Variants in GREM1 observed in about 807,000 individuals in gnomAD.
GREM1 encodes the protein gremlin-1.
Under a neutral mutation model 13.1 loss-of-function variants are expected in GREM1, and 6 were observed. The ratio of observed to expected loss-of-function variants is 0.46; its 90% CI spans 0.25 to 0.91. The LOEUF (loss-of-function observed/expected upper bound fraction) is 0.91, where lower values mean the gene tolerates loss of function less well. Among genes scored for constraint, GREM1 ranks in the 40% least tolerant of loss-of-function variants. The pLI is 0.18. For missense variants in GREM1, 185 were observed against 233.9 expected (o/e 0.79, Z 1.36); for synonymous variants, 98 against 93.7 (o/e 1.05, Z -0.27).
Position 32,743,022 on chromosome 15 carries a change from C to T in GREM1, c.*11777C>T, listed in dbSNP as rs2055775194. The T allele has an allele frequency of 6.6e-6, 1 of 152,112 alleles. No homozygotes were observed. The allele number at this position is 152,112 out of a possible 1,614,324, so 9.4% of individuals were successfully genotyped here. A position where few individuals can be genotyped will look rare whatever the true frequency, so the allele number is the denominator to read the frequency against. On this transcript the variant is annotated 3_prime_UTR_variant, in exon 2 of 2. Transcript: ENST00000651154. ...AACAAAAATAGACAAATGGGACTAC[C>T]TCAAATTAAAATGTTTCTGCACAGC...
intron 1 of GREM1, among the ~76,000 whole-genome samples, chr15:32,721,515 G>T (rs960340407): frequency 6.6e-6 from 1 of 152,100 alleles, no homozygotes; most frequent in Non-Finnish European, 1.5e-5. Flanking sequence ...AAGCACTTTC[G>T]GAGACTGAGG....
At position 32,731,729 on chromosome 15, in the gene GREM1, A is replaced by G. The variant is rs190144321; in HGVS notation, c.*484A>G. 243 of 245,672 alleles carry G rather than the reference A, an allele frequency of 9.9e-4. 4 individuals are homozygous for G. In the South Asian group the frequency reaches 0.019, roughly 20 times the overall value. 15.2% of individuals were successfully genotyped at this position (245,672 alleles called of 1,614,324 possible). On this transcript the variant is annotated 3_prime_UTR_variant, in exon 2 of 2. Transcript: ENST00000651154. ...TCCTCCTTTCCTCCTCCTCCTCACA[A>G]TCCATCTCTTCTTAAGTTGATAGTG...
rs28433691 is a variant in GREM1, at chr15:32,729,189, A to G, written c.-1-1501A>G. ...CAGGCGCCCGCCACTACGCCCGGCT[A>G]ATTTTTTTGTATTTTTAGTAGAGAT... On this transcript the variant is annotated intron_variant, in intron 1 of 1. Transcript: ENST00000651154. 0.11 allele frequency among the ~76,000 whole-genome samples: 12,348 copies of G among 111,468 alleles called. 516 individuals are homozygous for G. Among genetic ancestry groups the G allele is most frequent in the Non-Finnish European group, 0.15 (6,770 of 44,818 alleles). The allele number at this position is 111,468 out of a possible 152,430, so 73.1% of individuals were successfully genotyped here.
rs912256870 is a variant in GREM1, at chr15:32,742,673, A to G, written c.*11428A>G. 1.3e-5 allele frequency: 2 copies of G among 152,228 alleles called. No homozygotes were observed. Among genetic ancestry groups the G allele is most frequent in the African/African-American group, 4.8e-5 (2 of 41,448 alleles). 9.4% of individuals were successfully genotyped at this position (152,228 alleles called of 1,614,324 possible). A position where few individuals can be genotyped will look rare whatever the true frequency, so the allele number is the denominator to read the frequency against. On this transcript the variant is annotated 3_prime_UTR_variant, in exon 2 of 2. Coordinates refer to ENST00000651154, the MANE Select transcript of GREM1 (RefSeq NM_013372.7). ...AACAGTATGTTACCAGCATAAAGAC[A>G]AACACACAGACCAATAGAACAGAAT...
chr15:32,723,740 A>G (rs1023709209), intron 1 of GREM1, among the ~76,000 whole-genome samples: 4 of 152,194 alleles, frequency 2.6e-5, no homozygotes, highest in Non-Finnish European at 4.4e-5. Flanking sequence ...ACAGTTGACT[A>G]ATTTTGAATT....
rs2055763533 is a variant in GREM1, at chr15:32,741,775, T to G, written c.*10530T>G. ...GGTCTTAAAGAAAAACATTTCAGTT[T>G]TCCATTATTCGGTATAATGTTAGTT... On this transcript the variant is annotated 3_prime_UTR_variant, in exon 2 of 2. Coordinates refer to ENST00000651154, the MANE Select transcript of GREM1 (RefSeq NM_013372.7). 1.3e-5 allele frequency: 2 copies of G among 152,230 alleles called. No individual in the cohort carries two copies. The highest frequency in any genetic ancestry group is 2.1e-4 in the South Asian group (1 of 4,832). 9.4% of individuals were successfully genotyped at this position (152,230 alleles called of 1,614,324 possible).
In GREM1 at chr15:32,734,921, T is replaced by G. The variant is rs1345642404; in HGVS notation, c.*3676T>G. 6.1e-6 allele frequency: 1 copy of G among 162,958 alleles called. No homozygotes were observed. Among genetic ancestry groups the G allele is most frequent in the African/African-American group, 2.4e-5 (1 of 41,744 alleles). 10.1% of individuals were successfully genotyped at this position (162,958 alleles called of 1,614,324 possible). A position where few individuals can be genotyped will look rare whatever the true frequency, so the allele number is the denominator to read the frequency against. Reference sequence around the variant, plus strand: ...AGAGCACAACTAGAAAGAAGAACTATAGAGTGTTATAAGGGAGGCCCTGAG... The same window carrying G: ...AGAGCACAACTAGAAAGAAGAACTAGAGAGTGTTATAAGGGAGGCCCTGAG... On this transcript the variant is annotated 3_prime_UTR_variant, in exon 2 of 2. Transcript: ENST00000651154.
Position 32,733,835 on chromosome 15 carries a change from G to T in GREM1, c.*2590G>T. 4.2e-6 allele frequency: 1 copy of T among 239,370 alleles called. No homozygotes were observed. Among genetic ancestry groups the T allele is most frequent in the Non-Finnish European group, 8.9e-6 (1 of 112,796 alleles). The allele number at this position is 239,370 out of a possible 1,614,324, so 14.8% of individuals were successfully genotyped here. On this transcript the variant is annotated 3_prime_UTR_variant, in exon 2 of 2. Coordinates refer to ENST00000651154, the MANE Select transcript of GREM1 (RefSeq NM_013372.7). The stretch of plus-strand genomic sequence containing the variant: ...TTTTATGATGTACACTTTGTGCTTG[G>T]CATTAAAAGAAAAAAACACACATCC...
chr15:32,732,391 A>G lies in GREM1; in HGVS notation c.*1146A>G. On this transcript the variant is annotated 3_prime_UTR_variant, in exon 2 of 2. Transcript: ENST00000651154. ...CCTGCCTCTGCTGAGTGTACCTGAC[A>G]GTAGTCTAAGATGAGAGAGTTTAGG... 1 of 244,462 alleles carries G rather than the reference A, an allele frequency of 4.1e-6. No homozygotes were observed. Among genetic ancestry groups the G allele is most frequent in the East Asian group, 6.2e-5 (1 of 16,068 alleles). The allele number at this position is 244,462 out of a possible 1,614,324, so 15.1% of individuals were successfully genotyped here.
rs962594119 is a variant in GREM1, at chr15:32,742,607, C to T, written c.*11362C>T. On this transcript the variant is annotated 3_prime_UTR_variant, in exon 2 of 2. Transcript: ENST00000651154. ...GAAGAACAAAGCTGGAGGCATTATA[C>T]TTCCTGATTTCAAAATATCCTGCAA... 1 of 152,194 alleles carries T rather than the reference C, an allele frequency of 6.6e-6. No homozygotes were observed. Among genetic ancestry groups the T allele is most frequent in the African/African-American group, 2.4e-5 (1 of 41,450 alleles). 9.4% of individuals were successfully genotyped at this position (152,194 alleles called of 1,614,324 possible).
Position 32,728,395 on chromosome 15 carries a change from A to G in GREM1, c.-1-2295A>G, listed in dbSNP as rs544217552. 1.8e-4 allele frequency among the ~76,000 whole-genome samples: 28 copies of G among 152,382 alleles called. 2 individuals are homozygous for G. The highest frequency in any genetic ancestry group is 3.4e-3 in the Middle Eastern group (1 of 294). ...TACACTGACCAAAGGTGGGAAACCT[A>G]CAGTTGGAGCAGAAGCTGAATGTCA... On this transcript the variant is annotated intron_variant, in intron 1 of 1. Coordinates refer to ENST00000651154, the MANE Select transcript of GREM1 (RefSeq NM_013372.7).
chr15:32,742,450 C>T lies in GREM1; in HGVS notation c.*11205C>T, dbSNP rs1003043877. 2.6e-5 allele frequency: 4 copies of T among 151,946 alleles called. No individual in the cohort carries two copies. The highest frequency in any genetic ancestry group is 6.6e-5 in the Admixed American group (1 of 15,242). The allele number at this position is 151,946 out of a possible 1,614,324, so 9.4% of individuals were successfully genotyped here. A position where few individuals can be genotyped will look rare whatever the true frequency, so the allele number is the denominator to read the frequency against. On this transcript the variant is annotated 3_prime_UTR_variant, in exon 2 of 2. Coordinates refer to ENST00000651154, the MANE Select transcript of GREM1 (RefSeq NM_013372.7). ...AATATTCTTAAAATGCCCATATTAC[C>T]CAAAGTGATCTATAGATTCATGCAA...
rs1129456 is a variant in GREM1 at position 32,734,466 on chromosome 15, A to T, written c.*3221A>T. 0.17 allele frequency: 40,681 copies of T among 246,262 alleles called. 4,520 individuals are homozygous for T. Among genetic ancestry groups the T allele is most frequent in the African/African-American group, 0.35 (16,044 of 45,286 alleles). 15.3% of individuals were successfully genotyped at this position (246,262 alleles called of 1,614,324 possible). A position where few individuals can be genotyped will look rare whatever the true frequency, so the allele number is the denominator to read the frequency against. On this transcript the variant is annotated 3_prime_UTR_variant, in exon 2 of 2. Transcript: ENST00000651154. ...ACTGCATTATGTATTATGTCTGCTT[A>T]AATCATTTAAAAACGGCAAAGAATT...
intron 1 of GREM1, among the ~76,000 whole-genome samples, chr15:32,729,677 A>G (rs1486606918): frequency 2.0e-5 from 3 of 152,096 alleles, no homozygotes; most frequent in Non-Finnish European, 4.4e-5. Context: ...TGACCCATCC[A>G]CTAATCCATT....
At chr15:32,718,719 C>G (rs2055346916) in intron 1 of GREM1, 1 of 349,428 alleles carries the variant, frequency 2.9e-6, no homozygotes, top group South Asian at 2.1e-5. Context: ...TGGAGACTGG[C>G]AAGGGCAGAG....
rs2055648135 is a variant in GREM1, at chr15:32,733,046, C to T, written c.*1801C>T. 1 of 229,528 alleles carries T rather than the reference C, an allele frequency of 4.4e-6. No homozygotes were observed. The highest frequency in any genetic ancestry group is 2.3e-5 in the African/African-American group (1 of 44,378). 14.2% of individuals were successfully genotyped at this position (229,528 alleles called of 1,614,324 possible). A position where few individuals can be genotyped will look rare whatever the true frequency, so the allele number is the denominator to read the frequency against. The stretch of plus-strand genomic sequence containing the variant: ...TTTGATCCAGTGCTCTCCCATCTAA[C>T]AACTAAACAGGAGCCATTTCAAGGC... On this transcript the variant is annotated 3_prime_UTR_variant, in exon 2 of 2. Transcript: ENST00000651154.
At position 32,738,545 on chromosome 15, in the gene GREM1, T is replaced by C. The variant is rs1261113839; in HGVS notation, c.*7300T>C. ...AGATTCAATACAATTCTTATCAAAA[T>C]CCCAGGTGGCTTAAGAAATTGACAA... On this transcript the variant is annotated 3_prime_UTR_variant, in exon 2 of 2. Coordinates refer to ENST00000651154, the MANE Select transcript of GREM1 (RefSeq NM_013372.7). 1 of 151,542 alleles carries C rather than the reference T, an allele frequency of 6.6e-6. No homozygotes were observed. Among genetic ancestry groups the C allele is most frequent in the African/African-American group, 2.4e-5 (1 of 40,828 alleles). The allele number at this position is 151,542 out of a possible 1,614,324, so 9.4% of individuals were successfully genotyped here. A position where few individuals can be genotyped will look rare whatever the true frequency, so the allele number is the denominator to read the frequency against.
At position 32,734,665 on chromosome 15, in the gene GREM1, C is replaced by G. The variant is rs201134502; in HGVS notation, c.*3420C>G. The G allele has an allele frequency of 4.2e-6, 1 of 237,284 alleles. No individual in the cohort carries two copies. The highest frequency in any genetic ancestry group is 8.8e-6 in the Non-Finnish European group (1 of 114,154). 14.7% of individuals were successfully genotyped at this position (237,284 alleles called of 1,614,324 possible). A position where few individuals can be genotyped will look rare whatever the true frequency, so the allele number is the denominator to read the frequency against. On this transcript the variant is annotated 3_prime_UTR_variant, in exon 2 of 2. Coordinates refer to ENST00000651154, the MANE Select transcript of GREM1 (RefSeq NM_013372.7). ...AACTAATAAATTAAACCTATTCTTT[C>G]TGTGTGTGTGAGCGTGCGTTTGTGT...
At chr15:32,726,605 C>A (rs936434187) in intron 1 of GREM1, among the ~76,000 whole-genome samples, 1 of 151,528 alleles carries the variant, frequency 6.6e-6, no homozygotes, top group Non-Finnish European at 1.5e-5. Flanking sequence ...CAAGAGCAAA[C>A]AAATTCAAAA....
Sources: gnomAD v4.1 joint callset for allele counts (sites outside exome capture counted in the v4.1 genomes callset) on GRCh38, gnomAD v4.1.1 for gene constraint, MANE v1.5 for transcripts, NCBI Gene and HGNC (gene_info 2026-07-23, HGNC 2026-07-21) for gene names.